Variants in GPC6 observed in about 807,000 individuals in gnomAD.
The protein encoded by GPC6 is glypican-6.
In GPC6, 14 loss-of-function variants were observed where a neutral mutation model predicts 55.2. That is an observed-to-expected ratio of 0.25 (90% CI 0.17 to 0.40). The LOEUF is 0.40. Among genes scored for constraint, GPC6 ranks in the 10% least tolerant of loss-of-function variants. GPC6 has a pLI of 1.00. For missense variants in GPC6, 641 were observed against 708.5 expected, an observed-to-expected ratio of 0.90 and a Z score of 1.08; for synonymous variants, 278 against 259.6, an observed-to-expected ratio of 1.07 and a Z score of -0.68.
chr13:93,675,813 C>G (rs1881564617), intron 2 of GPC6, among the ~76,000 whole-genome samples: 1 of 151,940 alleles, frequency 6.6e-6, no homozygotes, highest in African/African-American at 2.4e-5. Context: ...AAATCTTAAC[C>G]AATACAAGAA....
chr13:94,026,003 G>A (rs549678057), intron 3 of GPC6, among the ~76,000 whole-genome samples: 1 of 152,274 alleles, frequency 6.6e-6, no homozygotes, highest in South Asian at 2.1e-4. Context: ...ATGGACAGAT[G>A]TGTGAAAAAG....
At chr13:94,093,701 A>C (rs1372429209) in intron 4 of GPC6, among the ~76,000 whole-genome samples, 1 of 152,134 alleles carries the variant, frequency 6.6e-6, no homozygotes, top group African/African-American at 2.4e-5. Context: ...TAGTAGGGAC[A>C]TTGTAACATA....
intron 4 of GPC6, among the ~76,000 whole-genome samples, chr13:94,204,442 A>G (rs1005283697): frequency 6.6e-6 from 1 of 152,146 alleles, no homozygotes; most frequent in African/African-American, 2.4e-5. Context: ...AAATACATAA[A>G]TCAATAAACC....
At chr13:94,184,535 A>T (rs1226752836) in intron 4 of GPC6, among the ~76,000 whole-genome samples, 1 of 152,228 alleles carries the variant, frequency 6.6e-6, no homozygotes, top group African/African-American at 2.4e-5. Context: ...AACTTATGAA[A>T]AAATGCTCAT....
intron 4 of GPC6, among the ~76,000 whole-genome samples, chr13:94,241,932 A>T (rs1350252240): frequency 6.7e-6 from 1 of 150,240 alleles, no homozygotes; most frequent in African/African-American, 2.5e-5. Context: ...TTTTATTATT[A>T]TTATGCTTTA....
At chr13:93,219,091 T>C in the GPC6 span, among the ~76,000 whole-genome samples, 1 of 140,320 alleles carries the variant, frequency 7.1e-6, no homozygotes, top group East Asian at 2.4e-4. Context: ...TTCTTTCCTA[T>C]TTTTTTTTTT....
intron 1 of GPC6, among the ~76,000 whole-genome samples, chr13:93,314,101 C>G (rs1879163265): frequency 6.6e-6 from 1 of 152,070 alleles, no homozygotes; most frequent in Admixed American, 6.6e-5. Context: ...CTCTAAGATG[C>G]CTTTTGTCAT....
At chr13:93,478,384 G>A (rs1049047223) in intron 1 of GPC6, among the ~76,000 whole-genome samples, 2 of 152,146 alleles carry the variant, frequency 1.3e-5, no homozygotes, top group Non-Finnish European at 2.9e-5. Context: ...ATACAGAGTA[G>A]ATTTCTCAGA....
intron 1 of GPC6, among the ~76,000 whole-genome samples, chr13:93,279,921 GTAAA>G (rs1320737334): frequency 2.0e-5 from 3 of 152,132 alleles, no homozygotes; most frequent in African/African-American, 7.2e-5. Context: ...TGTGATCTGT[GTAAA>G]TTTCACAATA....
intron 2 of GPC6, among the ~76,000 whole-genome samples, chr13:93,713,360 A>G (rs918426119): frequency 6.6e-6 from 1 of 151,654 alleles, no homozygotes; most frequent in African/African-American, 2.4e-5. Flanking sequence ...ATAAAGCAAG[A>G]TCTGGTTCTT....
intron 2 of GPC6, among the ~76,000 whole-genome samples, chr13:93,587,713 C>T (rs763586070): frequency 2.0e-4 from 31 of 152,112 alleles, no homozygotes; most frequent in Non-Finnish European, 4.4e-4. Context: ...TTGCCTCAAG[C>T]CCAAGGAAGT....
chr13:93,902,414 C>T (rs1876409877), intron 3 of GPC6, among the ~76,000 whole-genome samples: 1 of 152,110 alleles, frequency 6.6e-6, no homozygotes. Context: ...AATGGTATCT[C>T]ATTGTGTATA....
intron 1 of GPC6, among the ~76,000 whole-genome samples, chr13:93,341,907 C>CT (rs796173006): frequency 1.7e-4 from 25 of 148,730 alleles, no homozygotes; most frequent in African/African-American, 4.7e-4. Flanking sequence ...CTTGAGTTAA[C>CT]TTTTTTTTTC....
At chr13:94,275,404 G>C (rs922046423) in intron 4 of GPC6, among the ~76,000 whole-genome samples, 5 of 152,130 alleles carry the variant, frequency 3.3e-5, no homozygotes, top group African/African-American at 1.2e-4. Context: ...TACATCTAGA[G>C]GGAGAATATT....
intron 1 of GPC6, among the ~76,000 whole-genome samples, chr13:93,489,791 T>C (rs1353621855): frequency 6.6e-6 from 1 of 151,454 alleles, no homozygotes; most frequent in African/African-American, 2.4e-5. Context: ...TGTATAAGAA[T>C]GCTTGTGATT....
upstream of GPC6, among the ~76,000 whole-genome samples, chr13:93,226,404 A>C (rs1199906897): frequency 6.6e-6 from 1 of 152,210 alleles, no homozygotes; most frequent in Non-Finnish European, 1.5e-5. Flanking sequence ...GTGCCTTTAG[A>C]AAAAAACAAA....
intron 4 of GPC6, among the ~76,000 whole-genome samples, chr13:94,189,249 T>A (rs1889304142): frequency 1.3e-5 from 2 of 152,118 alleles, no homozygotes. Context: ...CTTTCTCTCC[T>A]CTGTACAAAA....
intron 4 of GPC6, among the ~76,000 whole-genome samples, chr13:94,180,378 C>G (rs936191666): frequency 6.6e-6 from 1 of 152,098 alleles, no homozygotes. Context: ...TTAGTGGTAT[C>G]CATTTATATT....
intron 3 of GPC6, among the ~76,000 whole-genome samples, chr13:94,023,366 G>T (rs527931241): frequency 6.6e-6 from 1 of 150,954 alleles, no homozygotes; most frequent in South Asian, 2.1e-4. Flanking sequence ...TTGGATCATT[G>T]ACATCTACTC....
Sources: allele counts gnomAD v4.1 joint callset (sites outside exome capture counted in the v4.1 genomes callset), GRCh38; gene constraint gnomAD v4.1.1; transcripts MANE v1.5; gene names NCBI Gene and HGNC (gene_info 2026-07-23, HGNC 2026-07-21).